Variants in HTR1F observed in about 807,000 individuals in gnomAD.
HTR1F encodes 5-hydroxytryptamine receptor 1F, also known as 5-hydroxytryptamine (serotonin) receptor 1F, G protein-coupled.
HTR1F carries 17 observed loss-of-function variants against 24.0 expected under a neutral mutation model. That is an observed-to-expected ratio of 0.71 (90% CI 0.48 to 1.06). The LOEUF (loss-of-function observed/expected upper bound fraction) is 1.06. Among genes scored for constraint, HTR1F ranks in the 50% least tolerant of loss-of-function variants. The pLI is 0.00. For synonymous variants in HTR1F, 186 were observed against 156.8 expected, an observed-to-expected ratio of 1.19 and a Z score of -1.39; for missense variants, 391 against 427.8, an observed-to-expected ratio of 0.91 and a Z score of 0.76.
intron 2 of HTR1F, among the ~76,000 whole-genome samples, chr3:87,883,233 A>C (rs1705850372): frequency 6.6e-6 from 1 of 152,212 alleles, no homozygotes; most frequent in African/African-American, 2.4e-5. Context: ...GAGCGACCTG[A>C]CTGTTGAAAG....
chr3:87,942,557 C>G (rs1317314856), intron 2 of HTR1F, among the ~76,000 whole-genome samples: 1 of 152,176 alleles, frequency 6.6e-6, no homozygotes, highest in East Asian at 1.9e-4. Context: ...CTTCCAGTGA[C>G]TCCCTTGACA....
rs76666797 is a variant in HTR1F, at chr3:87,980,813, C to T, written c.-42-9895C>T. On this transcript the variant is annotated intron_variant, in intron 2 of 2. Transcript: ENST00000319595. ...TCATATCATCACTGCTTCAAGCACA[C>T]ACACAACACTCGGGCTCGGCTTCAA... Among the ~76,000 whole-genome samples, 1,165 of 152,340 alleles carry T rather than the reference C, an allele frequency of 7.6e-3. 20 individuals carry two copies. Among genetic ancestry groups the T allele is most frequent in the African/African-American group, 0.027 (1,111 of 41,582 alleles).
intron 2 of HTR1F, among the ~76,000 whole-genome samples, chr3:87,898,902 A>C (rs1435177781): frequency 6.6e-6 from 1 of 152,156 alleles, no homozygotes; most frequent in Non-Finnish European, 1.5e-5. Context: ...GAGGCAAAAC[A>C]TTTACTTTTG....
At chr3:87,937,319 C>T (rs1704448952) in intron 2 of HTR1F, among the ~76,000 whole-genome samples, 1 of 152,070 alleles carries the variant, frequency 6.6e-6, no homozygotes, top group South Asian at 2.1e-4. Context: ...GTACAATATA[C>T]ACAAATCAAT....
chr3:87,838,489 T>C (rs1670011309), intron 2 of HTR1F, among the ~76,000 whole-genome samples: 1 of 152,132 alleles, frequency 6.6e-6, no homozygotes, highest in African/African-American at 2.4e-5. Context: ...TCGAATAATA[T>C]AGTATGTGAA....
At chr3:87,937,146 C>T (rs932579651) in intron 2 of HTR1F, among the ~76,000 whole-genome samples, 19 of 150,236 alleles carry the variant, frequency 1.3e-4, no homozygotes, top group Non-Finnish European at 2.1e-4. Context: ...CAGCATCATC[C>T]TGATACCAAA....
intron 2 of HTR1F, among the ~76,000 whole-genome samples, chr3:87,924,939 T>C (rs1303246573): frequency 6.6e-6 from 1 of 152,172 alleles, no homozygotes; most frequent in Non-Finnish European, 1.5e-5. Flanking sequence ...TTTTCAGCTA[T>C]TATGTTATTA....
chr3:87,978,878 G>A (rs887315548), intron 2 of HTR1F, among the ~76,000 whole-genome samples: 60 of 26,806 alleles, frequency 2.2e-3, no homozygotes, highest in African/African-American at 3.8e-3. Context: ...GGAAGGAAGG[G>A]AGGGAGGGAG....
At chr3:87,943,044 G>C (rs1161377956) in intron 2 of HTR1F, among the ~76,000 whole-genome samples, 4 of 152,102 alleles carry the variant, frequency 2.6e-5, no homozygotes, top group Non-Finnish European at 4.4e-5. Flanking sequence ...ATAATTCATA[G>C]GCTTCTTCCT....
chr3:87,983,144 A>G (rs1254246341), intron 2 of HTR1F, among the ~76,000 whole-genome samples: 63 of 152,230 alleles, frequency 4.1e-4, no homozygotes, highest in Non-Finnish European at 3.4e-4. Context: ...CCTAAGTTGG[A>G]CATGGACAGT....
chr3:87,937,364 A>G (rs1704450119), intron 2 of HTR1F, among the ~76,000 whole-genome samples: 1 of 152,208 alleles, frequency 6.6e-6, no homozygotes, highest in Middle Eastern at 3.2e-3. Context: ...AACTAAAAAC[A>G]AAACGACATG....
At position 87,991,359 on chromosome 3, in the gene HTR1F, A is replaced by G. The variant is rs751838243; in HGVS notation, c.610A>G (p.Ile204Val). ...LALILILYYK[I>V]YRAAKTLYHK... ...ATTGATTTTGATCCTTTACTACAAA[A>G]TATATAGAGCAGCAAAGACATTATA... Residue 204 changes from isoleucine (I) to valine (V), a missense_variant, in exon 3 of 3, where the codon ATA becomes GTA. By Grantham distance (29) the Ile-to-Val change is conservative (BLOSUM62 3). Coordinates refer to ENST00000319595, the MANE Select transcript of HTR1F (RefSeq NM_001322209.2). The G allele has an allele frequency of 1.1e-5, 17 of 1,613,824 alleles. No homozygotes were observed. The highest frequency in any genetic ancestry group is 2.7e-5 in the African/African-American group (2 of 74,914).
At chr3:87,981,406 G>A (rs1245833145) in intron 2 of HTR1F, among the ~76,000 whole-genome samples, 12 of 152,226 alleles carry the variant, frequency 7.9e-5, no homozygotes, top group South Asian at 6.2e-4. Flanking sequence ...TGTTGCCCAC[G>A]CTAGTCTCGA....
chr3:87,853,340 G>A (rs774014919), intron 2 of HTR1F, among the ~76,000 whole-genome samples: 13 of 151,946 alleles, frequency 8.6e-5, no homozygotes, highest in Non-Finnish European at 1.3e-4. Flanking sequence ...CTGTTCCTGC[G>A]TTAGTTTGCT....
At chr3:87,799,868 T>A (rs1401287653) in intron 1 of HTR1F, among the ~76,000 whole-genome samples, 1 of 152,158 alleles carries the variant, frequency 6.6e-6, no homozygotes, top group Non-Finnish European at 1.5e-5. Context: ...GTTAACAGGT[T>A]CATAATTAAA....
chr3:87,966,533 A>G (rs1327806616), intron 2 of HTR1F, among the ~76,000 whole-genome samples: 1 of 152,184 alleles, frequency 6.6e-6, no homozygotes, highest in East Asian at 1.9e-4. Flanking sequence ...CACTCTTTGC[A>G]TTGTGATTTC....
intron 2 of HTR1F, among the ~76,000 whole-genome samples, chr3:87,946,104 G>A (rs1056582297): frequency 3.3e-5 from 5 of 152,200 alleles, no homozygotes; most frequent in African/African-American, 1.2e-4. Context: ...ATGAACCCAG[G>A]CACTTAGCCA....
chr3:87,906,201 G>T (rs1479247465), intron 2 of HTR1F, among the ~76,000 whole-genome samples: 1 of 152,018 alleles, frequency 6.6e-6, no homozygotes, highest in Non-Finnish European at 1.5e-5. Flanking sequence ...TTTGAAAATT[G>T]GTCTTCTGAA....
intron 1 of HTR1F, among the ~76,000 whole-genome samples, chr3:87,818,375 T>G (rs1704289591): frequency 6.6e-6 from 1 of 152,158 alleles, no homozygotes. Context: ...GTATTTCCTA[T>G]GTCAATTGAA....
Sources: allele counts gnomAD v4.1 joint callset (sites outside exome capture counted in the v4.1 genomes callset), GRCh38; gene constraint gnomAD v4.1.1; transcripts MANE v1.5; gene names NCBI Gene and HGNC (gene_info 2026-07-23, HGNC 2026-07-21).